Variants in SIN3A observed in about 807,000 individuals in gnomAD.
The protein encoded by SIN3A is SIN3 transcription regulator family member A.
SIN3A carries 14 observed loss-of-function variants against 146.1 expected under a neutral mutation model. The ratio of observed to expected loss-of-function variants is 0.10; its 90% CI spans 0.06 to 0.15. The LOEUF (loss-of-function observed/expected upper bound fraction) is 0.15, where lower values mean the gene tolerates loss of function less well. SIN3A is among the 10% of genes least tolerant of loss of function. SIN3A has a pLI of 1.00. For synonymous variants in SIN3A, 572 were observed against 572.0 expected, an observed-to-expected ratio of 1.00 and a Z score of 0.00; for missense variants, 1,028 against 1,576.0, an observed-to-expected ratio of 0.65 and a Z score of 5.89.
chr15:75,394,967 A>G (rs548852889), intron 13 of SIN3A, 104 bp from the exon 14 acceptor site: 7 of 1,055,916 alleles, frequency 6.6e-6, no homozygotes, highest in Non-Finnish European at 9.5e-6. Context: ...GCAAAGCTAT[A>G]TTAGGTCTCT....
intron 16 of SIN3A, among the ~76,000 whole-genome samples, chr15:75,386,274 C>T (rs748052128): frequency 7.2e-5 from 11 of 152,204 alleles, no homozygotes; most frequent in Non-Finnish European, 1.3e-4. Context: ...GTGATCCACC[C>T]GCCTTGGCCT....
intron 3 of SIN3A, chr15:75,415,657 G>C (rs187935571): frequency 1.2e-5 from 2 of 161,146 alleles, no homozygotes; most frequent in African/African-American, 4.8e-5. Flanking sequence ...TTCGAGACCA[G>C]CCTGACCAAC....
intron 4 of SIN3A, among the ~76,000 whole-genome samples, chr15:75,413,551 T>G (rs1039024199): frequency 4.0e-5 from 6 of 151,838 alleles, no homozygotes; most frequent in African/African-American, 1.5e-4. Flanking sequence ...CAATTTGTTT[T>G]TTTTTTTTTT....
intron 10 of SIN3A, among the ~76,000 whole-genome samples, chr15:75,401,560 T>C: frequency 6.6e-6 from 1 of 152,092 alleles, no homozygotes; most frequent in East Asian, 1.9e-4. Flanking sequence ...ATAATAATTT[T>C]TAAAAAAATT....
intron 20 of SIN3A, among the ~76,000 whole-genome samples, chr15:75,372,680 G>A (rs2072774592): frequency 6.6e-6 from 1 of 151,848 alleles, no homozygotes; most frequent in South Asian, 2.1e-4. Context: ...TAATAACTGG[G>A]CGTGGTGGCA....
intron 16 of SIN3A, among the ~76,000 whole-genome samples, chr15:75,389,192 G>T (rs2073148889): frequency 6.6e-6 from 1 of 152,116 alleles, no homozygotes; most frequent in African/African-American, 2.4e-5. Context: ...CAGGCGCAGT[G>T]GCTCGTGTCT....
intron 1 of SIN3A, among the ~76,000 whole-genome samples, chr15:75,449,692 T>C (rs944538349): frequency 6.6e-6 from 1 of 152,220 alleles, no homozygotes; most frequent in East Asian, 1.9e-4. Flanking sequence ...GAAAGTGGTC[T>C]AGATGGTCTA....
At chr15:75,395,955 T>A (rs185974565) in intron 13 of SIN3A, among the ~76,000 whole-genome samples, 43 of 152,288 alleles carry the variant, frequency 2.8e-4, no homozygotes, top group African/African-American at 9.4e-4. Context: ...TAACAACAGT[T>A]AGTCCTGAGT....
chr15:75,377,852 T>C (rs2072891825), intron 19 of SIN3A, among the ~76,000 whole-genome samples: 1 of 152,172 alleles, frequency 6.6e-6, no homozygotes. Flanking sequence ...ACTGACTAAA[T>C]ATAGTCAATC....
chr15:75,430,868 C>T (rs1239954218), intron 1 of SIN3A, among the ~76,000 whole-genome samples: 3 of 152,050 alleles, frequency 2.0e-5, no homozygotes, highest in Admixed American at 6.6e-5. Flanking sequence ...ATCCACCTCC[C>T]GGGTTCACGC....
At position 75,412,011 on chromosome 15, in the gene SIN3A, T is replaced by C. The variant is rs371908056; in HGVS notation, c.757-268A>G. ...CAATTACAGGGAAGAATTTTTCATATGCAATGTTTTAGCTTAGTAGCTCAA... is the reference window on the plus strand; with the variant it reads ...CAATTACAGGGAAGAATTTTTCATACGCAATGTTTTAGCTTAGTAGCTCAA... On this transcript the variant is annotated intron_variant, in intron 5 of 20. Coordinates refer to ENST00000394947, the MANE Select transcript of SIN3A (RefSeq NM_001145358.2). Among the ~76,000 whole-genome samples, 156 of 152,352 alleles carry C rather than the reference T, an allele frequency of 1.0e-3. 1 individual carries two copies. The highest frequency in any genetic ancestry group is 1.6e-3 in the Non-Finnish European group (112 of 68,036).
intron 1 of SIN3A, among the ~76,000 whole-genome samples, chr15:75,433,022 CA>C (rs1458979856): frequency 7.9e-5 from 12 of 152,090 alleles, no homozygotes; most frequent in African/African-American, 2.9e-4. Flanking sequence ...GGCTGGGGGA[CA>C]GCGCGACTGT....
At chr15:75,445,969 C>T (rs2074300058) in intron 1 of SIN3A, among the ~76,000 whole-genome samples, 1 of 152,126 alleles carries the variant, frequency 6.6e-6, no homozygotes, top group Admixed American at 6.6e-5. Flanking sequence ...ACTGCTTTGT[C>T]TTGTCTGTGG....
chr15:75,417,718 T>C (rs549834363), intron 3 of SIN3A, among the ~76,000 whole-genome samples: 2 of 152,120 alleles, frequency 1.3e-5, no homozygotes, highest in Non-Finnish European at 2.9e-5. Context: ...AAATGGAACA[T>C]TTACATTCAA....
chr15:75,400,792 G>A lies in SIN3A; in HGVS notation c.1675C>T (p.Arg559Ter), dbSNP rs1555444879. ...ASCKRLGSSY[R>*]ALPKSYQQPK... The stretch of plus-strand genomic sequence containing the variant: ...TGCTGGTAACTCTTTGGTAAGGCTC[G>A]ATAGCTGGAGCCCAATCGTTTACAA... The change falls in exon 11 of 21, where the codon CGA becomes TGA. Residue 559 changes from arginine to a stop codon, truncating the protein, a stop_gained. Transcript: ENST00000394947. LOFTEE classifies it high-confidence loss of function. 1 of 1,614,088 alleles carries A rather than the reference G, an allele frequency of 6.2e-7. No individual in the cohort carries two copies. Among genetic ancestry groups the A allele is most frequent in the Non-Finnish European group, 8.5e-7 (1 of 1,180,020 alleles).
At chr15:75,380,770 A>G (rs2072949529) in intron 18 of SIN3A, 47 bp from the exon 19 acceptor site, 4 of 1,318,242 alleles carry the variant, frequency 3.0e-6, no homozygotes, top group Non-Finnish European at 4.4e-6. Flanking sequence ...TCACAAAAAC[A>G]GCTCCTAATG....
At chr15:75,387,285 G>A (rs1303649047) in intron 16 of SIN3A, among the ~76,000 whole-genome samples, 1 of 152,118 alleles carries the variant, frequency 6.6e-6, no homozygotes, top group African/African-American at 2.4e-5. Flanking sequence ...AGCGCTTTGG[G>A]AGGCTGAAGT....
intron 16 of SIN3A, chr15:75,388,360 A>C (rs563169922): frequency 6.5e-6 from 1 of 152,880 alleles, no homozygotes; most frequent in Admixed American, 6.5e-5. Context: ...CTGCAGATGC[A>C]AGCAAAAGTA....
At chr15:75,375,552 G>C (rs561507981) in intron 20 of SIN3A, 113 bp downstream of exon 20, 5 of 791,242 alleles carry the variant, frequency 6.3e-6, no homozygotes, top group Non-Finnish European at 2.1e-6. Flanking sequence ...TTAAGTCTCA[G>C]CTCCAAGAAC....
Sources: gnomAD v4.1 joint callset for allele counts (sites outside exome capture counted in the v4.1 genomes callset) on GRCh38, gnomAD v4.1.1 for gene constraint, MANE v1.5 for transcripts, NCBI Gene and HGNC (gene_info 2026-07-23, HGNC 2026-07-21) for gene names.